The following USP49 variants were observed in gnomAD, a reference collection of about 807,000 sequenced individuals.
USP49 encodes the protein ubiquitin specific peptidase 49.
A neutral mutation model predicts 58.6 loss-of-function variants in USP49; 24 were observed. The ratio of observed to expected loss-of-function variants is 0.41; its 90% CI spans 0.30 to 0.58. The LOEUF is 0.58. Among genes scored for constraint, USP49 ranks in the 20% least tolerant of loss-of-function variants. The pLI, the probability that USP49 is intolerant of heterozygous loss-of-function variation, is 0.30. For missense variants in USP49, 703 were observed against 866.1 expected (o/e 0.81, Z 2.36); for synonymous variants, 408 against 365.1 (o/e 1.12, Z -1.34).
At chr6:41,811,403 TTA>T (rs1222943282) in intron 3 of USP49, among the ~76,000 whole-genome samples, 11 of 152,342 alleles carry the variant, frequency 7.2e-5, no homozygotes, top group Admixed American at 3.9e-4. Flanking sequence ...TTCTATTGTA[TTA>T]TGTTATTATT....
intron 3 of USP49, among the ~76,000 whole-genome samples, chr6:41,855,307 G>A (rs1774107082): frequency 1.3e-5 from 2 of 151,696 alleles, no homozygotes; most frequent in Non-Finnish European, 2.9e-5. Flanking sequence ...CTGAGGTCAG[G>A]AGTTCAAGGC....
chr6:41,838,621 CA>C (rs1321425495), intron 3 of USP49, among the ~76,000 whole-genome samples: 1 of 152,160 alleles, frequency 6.6e-6, no homozygotes, highest in Non-Finnish European at 1.5e-5. Flanking sequence ...ATCTGAACAT[CA>C]GGCTTTGAGT....
At chr6:41,850,076 T>C (rs1203526779) in intron 3 of USP49, among the ~76,000 whole-genome samples, 1 of 152,010 alleles carries the variant, frequency 6.6e-6, no homozygotes, top group African/African-American at 2.4e-5. Flanking sequence ...AAAATGAAAA[T>C]GTATCAAAAC....
In USP49 at chr6:41,794,570, T is replaced by A. The variant is rs932246407; in HGVS notation, c.*1963A>T. On this transcript the variant is annotated 3_prime_UTR_variant, in exon 8 of 8. Coordinates refer to ENST00000682992, the MANE Select transcript of USP49 (RefSeq NM_001286554.2). The stretch of plus-strand genomic sequence containing the variant: ...TTTTTTGAGTTAATGGGCTTTTCTA[T>A]TGCCACAAAAAGTCATTACTAATCA... The A allele has an allele frequency of 6.6e-6, 1 of 152,214 alleles. No homozygotes were observed. Among genetic ancestry groups the A allele is most frequent in the African/African-American group, 2.4e-5 (1 of 41,446 alleles). The allele number at this position is 152,214 out of a possible 1,614,324, so 9.4% of individuals were successfully genotyped here. A position where few individuals can be genotyped will look rare whatever the true frequency, so the allele number is the denominator to read the frequency against.
chr6:41,834,573 GCACCATCCT>G (rs1389040123), intron 3 of USP49, among the ~76,000 whole-genome samples: 3 of 152,100 alleles, frequency 2.0e-5, no homozygotes, highest in Non-Finnish European at 4.4e-5. Flanking sequence ...GAATGATTTG[GCACCATCCT>G]CTTGAAGCTG....
At chr6:41,865,169 C>T (rs1314444807) in intron 3 of USP49, among the ~76,000 whole-genome samples, 2 of 151,918 alleles carry the variant, frequency 1.3e-5, no homozygotes, top group East Asian at 1.9e-4. Flanking sequence ...CTCAGTCTCC[C>T]GAGTAGCTAG....
intron 2 of USP49, among the ~76,000 whole-genome samples, chr6:41,887,656 T>C (rs951009274): frequency 6.6e-6 from 1 of 152,228 alleles, no homozygotes; most frequent in African/African-American, 2.4e-5. Flanking sequence ...CCCTGATCCT[T>C]CTGATGTGCT....
At chr6:41,811,946 T>C (rs910615659) in intron 3 of USP49, among the ~76,000 whole-genome samples, 1 of 152,200 alleles carries the variant, frequency 6.6e-6, no homozygotes, top group Admixed American at 6.5e-5. Flanking sequence ...TAATTCAATA[T>C]TCTTTGAAAA....
intron 3 of USP49, among the ~76,000 whole-genome samples, chr6:41,815,721 AATGTCCACTT>A (rs1363546045): frequency 6.6e-6 from 1 of 152,186 alleles, no homozygotes; most frequent in Non-Finnish European, 1.5e-5. Context: ...CAAGAGCTGG[AATGTCCACTT>A]ATGCAGCAGC....
chr6:41,839,506 C>A (rs1773785712), intron 3 of USP49, among the ~76,000 whole-genome samples: 1 of 146,216 alleles, frequency 6.8e-6, no homozygotes, highest in Non-Finnish European at 1.5e-5. Context: ...AAACCAAACC[C>A]AAACACAGCA....
intron 5 of USP49, among the ~76,000 whole-genome samples, chr6:41,802,435 T>TTA (rs1561902567): frequency 2.6e-5 from 1 of 37,940 alleles, no homozygotes; most frequent in Non-Finnish European, 5.8e-5. Context: ...TTATTTTATT[T>TTA]ATTTATTTAT....
At chr6:41,890,651 A>C (rs750118749) in intron 2 of USP49, among the ~76,000 whole-genome samples, 1 of 152,190 alleles carries the variant, frequency 6.6e-6, no homozygotes, top group Non-Finnish European at 1.5e-5. Context: ...TCGCCTGGGC[A>C]AAAGAGCAAG....
Position 41,796,441 on chromosome 6 carries a change from TA to T in USP49, c.*91del. 3.1e-6 allele frequency: 2 copies of T among 638,910 alleles called. No individual in the cohort carries two copies. Among genetic ancestry groups the T allele is most frequent in the Non-Finnish European group, 5.8e-6 (2 of 347,568 alleles). 39.6% of individuals were successfully genotyped at this position (638,910 alleles called of 1,614,324 possible). On this transcript the variant is annotated 3_prime_UTR_variant, in exon 8 of 8. Coordinates refer to ENST00000682992, the MANE Select transcript of USP49 (RefSeq NM_001286554.2). The stretch of plus-strand genomic sequence containing the variant: ...TCTAGACCCAGCAAGGCAAACCTAG[TA>T]ATCTGTTCCTGCAGTAGCCTTATTT...
chr6:41,877,438 T>G (rs933031522), intron 2 of USP49, among the ~76,000 whole-genome samples: 1 of 152,204 alleles, frequency 6.6e-6, no homozygotes, highest in Non-Finnish European at 1.5e-5. Context: ...ATCTAGACTG[T>G]GAGCTAGACT....
At chr6:41,857,398 A>G (rs934658845) in intron 3 of USP49, among the ~76,000 whole-genome samples, 1 of 152,192 alleles carries the variant, frequency 6.6e-6, no homozygotes, top group Non-Finnish European at 1.5e-5. Flanking sequence ...TAATCCCAGC[A>G]CTTTGGGAGG....
intron 2 of USP49, among the ~76,000 whole-genome samples, chr6:41,887,534 G>A (rs1774734064): frequency 6.6e-6 from 1 of 152,204 alleles, no homozygotes; most frequent in African/African-American, 2.4e-5. Flanking sequence ...AGGTTACGGA[G>A]GTCATAACAT....
chr6:41,888,832 G>A lies in USP49; in HGVS notation c.-103+2962C>T, dbSNP rs527673202. On this transcript the variant is annotated intron_variant, in intron 2 of 7. Coordinates refer to ENST00000682992, the MANE Select transcript of USP49 (RefSeq NM_001286554.2). Reference sequence around the variant, plus strand: ...ACTGAGAGGACCTCCTTCAGGTCACGAGTTTATCAAATGGACAGGCCATCA... The same window carrying A: ...ACTGAGAGGACCTCCTTCAGGTCACAAGTTTATCAAATGGACAGGCCATCA... 2.6e-5 allele frequency among the ~76,000 whole-genome samples: 4 copies of A among 152,162 alleles called. No homozygotes were observed. In the East Asian group the frequency reaches 5.8e-4, roughly 22 times the overall value.
Position 41,793,879 on chromosome 6 carries a change from T to G in USP49, c.*2654A>C, listed in dbSNP as rs954980275. 6.6e-6 allele frequency: 1 copy of G among 152,210 alleles called. No homozygotes were observed. The highest frequency in any genetic ancestry group is 2.4e-5 in the African/African-American group (1 of 41,454). 9.4% of individuals were successfully genotyped at this position (152,210 alleles called of 1,614,324 possible). ...TCCTGGAATGAGACTCTTAACTACT[T>G]GCCCTGGGAGAGAAGCAGGCCCATT... On this transcript the variant is annotated 3_prime_UTR_variant, in exon 8 of 8. Transcript: ENST00000682992.
intron 3 of USP49, among the ~76,000 whole-genome samples, chr6:41,865,544 T>C (rs1405870014): frequency 1.3e-5 from 2 of 152,150 alleles, no homozygotes; most frequent in Admixed American, 1.3e-4. Flanking sequence ...TCATAGTATA[T>C]TGCCCAGGCT....
Sources: gnomAD v4.1 joint callset for allele counts (sites outside exome capture counted in the v4.1 genomes callset) on GRCh38, gnomAD v4.1.1 for gene constraint, MANE v1.5 for transcripts, NCBI Gene and HGNC (gene_info 2026-07-23, HGNC 2026-07-21) for gene names.